The following BABAM2 variants were observed in gnomAD, a reference collection of about 807,000 sequenced individuals.
The protein encoded by BABAM2 is BRISC and BRCA1 A complex member 2, also known as BRISC and BRCA1-A complex member 2.
In BABAM2, 31 loss-of-function variants were observed where a neutral mutation model predicts 54.7. The observed-to-expected ratio is 0.57, with a 90% CI of 0.43 to 0.77. The LOEUF (loss-of-function observed/expected upper bound fraction) is 0.77. Ranked by LOEUF, BABAM2 falls within the 30% of genes least tolerant of loss-of-function variation. The pLI is 0.00. For missense variants in BABAM2, 364 were observed against 455.8 expected (o/e 0.80, Z 1.83); for synonymous variants, 167 against 162.9 (o/e 1.03, Z -0.19).
intron 5 of BABAM2, among the ~76,000 whole-genome samples, chr2:28,044,015 A>G (rs1376604634): frequency 1.3e-5 from 2 of 152,130 alleles, no homozygotes; most frequent in African/African-American, 2.4e-5. Context: ...TGTCCATTCA[A>G]TTCTCATTTC....
intron 6 of BABAM2, among the ~76,000 whole-genome samples, chr2:28,116,460 T>G (rs1668623728): frequency 6.6e-6 from 1 of 152,220 alleles, no homozygotes; most frequent in African/African-American, 2.4e-5. Flanking sequence ...GTATCTGAAA[T>G]AACTTGGAAA....
chr2:28,319,516 C>CA (rs1689846429), intron 11 of BABAM2, among the ~76,000 whole-genome samples: 1 of 152,242 alleles, frequency 6.6e-6, no homozygotes, highest in Non-Finnish European at 1.5e-5. Context: ...GGGGTTCCCT[C>CA]AGGGTTCTAG....
chr2:28,214,990 C>G (rs2147998043), intron 7 of BABAM2, among the ~76,000 whole-genome samples: 1 of 152,170 alleles, frequency 6.6e-6, no homozygotes, highest in Middle Eastern at 3.4e-3. Context: ...ATTGTTAATT[C>G]TACATCAATG....
intron 7 of BABAM2, among the ~76,000 whole-genome samples, chr2:28,208,698 A>G (rs1206047553): frequency 7.1e-6 from 1 of 141,054 alleles, no homozygotes; most frequent in African/African-American, 2.7e-5. Context: ...CCCTTTTCTC[A>G]TATTTTTCAG....
rs1261759583 is a variant in BABAM2 at position 28,112,151 on chromosome 2, C to CTTTCTTTTTCTTTCTT, written c.571-17119_571-17118insTTCTTTTTCTTTCTTT. On this transcript the variant is annotated intron_variant, in intron 6 of 11. Coordinates refer to ENST00000379624, the MANE Select transcript of BABAM2 (RefSeq NM_199191.3). ...TTTCTTTCTTTCTTTCTTTCTTTACCTCCCTCCCTCCCTCCCTCCCTCCCT... is the reference window on the plus strand; with the variant it reads ...TTTCTTTCTTTCTTTCTTTCTTTACCTTTCTTTTTCTTTCTTTCCCTCCCTCCCTCCCTCCCTCCCT... Among the ~76,000 whole-genome samples the CTTTCTTTTTCTTTCTT allele has an allele frequency of 3.1e-4, 6 of 19,606 alleles. 2 individuals are homozygous for CTTTCTTTTTCTTTCTT. Among genetic ancestry groups the CTTTCTTTTTCTTTCTT allele is most frequent in the African/African-American group, 1.4e-3 (6 of 4,404 alleles). 12.9% of individuals were successfully genotyped at this position (19,606 alleles called of 152,430 possible). A position where few individuals can be genotyped will look rare whatever the true frequency, so the allele number is the denominator to read the frequency against.
rs537836962 is a variant in BABAM2 at position 28,325,158 on chromosome 2, C to A, written c.1089-13292C>A. ...TTTTGTGATCCACTGTTTGAACAAG[C>A]CTTCTTTACACCATGTGTGGATATC... On this transcript the variant is annotated intron_variant, in intron 11 of 11. Transcript: ENST00000379624. This position sits in a 1 kb window ranked among gnomAD's most constrained non-coding sequence, Gnocchi z 4.3. Among the ~76,000 whole-genome samples, 23 of 152,316 alleles carry A rather than the reference C, an allele frequency of 1.5e-4. No homozygotes were observed. The highest frequency in any genetic ancestry group is 6.5e-5 in the Admixed American group (1 of 15,294).
chr2:28,222,772 C>T (rs112319666), intron 7 of BABAM2, among the ~76,000 whole-genome samples: 6 of 152,234 alleles, frequency 3.9e-5, no homozygotes, highest in Non-Finnish European at 7.3e-5. Flanking sequence ...CTCTTCCTGA[C>T]TAAATCTTTC....
chr2:28,115,126 A>G (rs1668494309), intron 6 of BABAM2, among the ~76,000 whole-genome samples: 1 of 151,826 alleles, frequency 6.6e-6, no homozygotes, highest in African/African-American at 2.4e-5. Flanking sequence ...TGAAACAGTC[A>G]TTGCTCTTAA....
intron 3 of BABAM2, among the ~76,000 whole-genome samples, chr2:27,956,190 A>G (rs1670071566): frequency 6.6e-6 from 1 of 152,144 alleles, no homozygotes; most frequent in South Asian, 2.1e-4. Flanking sequence ...CAAGATTATT[A>G]ATGTAGCTCT....
chr2:28,009,248 A>G (rs1233493720), intron 4 of BABAM2, among the ~76,000 whole-genome samples: 3 of 152,068 alleles, frequency 2.0e-5, no homozygotes, highest in East Asian at 3.9e-4. Context: ...AGAGGGTTGG[A>G]TCTGATACTG....
At chr2:28,026,513 A>G (rs1043830164) in intron 5 of BABAM2, among the ~76,000 whole-genome samples, 2 of 151,502 alleles carry the variant, frequency 1.3e-5, no homozygotes, top group African/African-American at 2.4e-5. Flanking sequence ...ATTCTCACTC[A>G]TAAGTGGGAG....
At chr2:27,970,478 A>G in intron 3 of BABAM2, among the ~76,000 whole-genome samples, 1 of 152,334 alleles carries the variant, frequency 6.6e-6, no homozygotes, top group South Asian at 2.1e-4. Flanking sequence ...TGATATAGAT[A>G]TATAGTTTAC....
intron 6 of BABAM2, among the ~76,000 whole-genome samples, chr2:28,099,848 C>T (rs894404666): frequency 6.6e-6 from 1 of 152,048 alleles, no homozygotes; most frequent in Non-Finnish European, 1.5e-5. Flanking sequence ...CGATACCTCT[C>T]TTTTATCCTC....
At chr2:28,043,526 C>G (rs996481389) in intron 5 of BABAM2, among the ~76,000 whole-genome samples, 1 of 152,188 alleles carries the variant, frequency 6.6e-6, no homozygotes, top group Non-Finnish European at 1.5e-5. Context: ...CTCCCAGATT[C>G]TCACTGGGCT....
intron 6 of BABAM2, among the ~76,000 whole-genome samples, chr2:28,077,442 T>C (rs1275305746): frequency 6.6e-6 from 1 of 152,156 alleles, no homozygotes; most frequent in Non-Finnish European, 1.5e-5. Flanking sequence ...GAAGAGGTAG[T>C]GTACAGAGGA....
chr2:28,032,278 G>A (rs2148583448), intron 5 of BABAM2, among the ~76,000 whole-genome samples: 1 of 152,216 alleles, frequency 6.6e-6, no homozygotes, highest in African/African-American at 2.4e-5. Context: ...AAAAGTATGA[G>A]GCTTTGAAAA....
At chr2:28,030,688 G>T (rs946290151) in intron 5 of BABAM2, among the ~76,000 whole-genome samples, 6 of 152,188 alleles carry the variant, frequency 3.9e-5, no homozygotes, top group African/African-American at 1.4e-4. Flanking sequence ...TTGATTTTGA[G>T]CCAAGATTTT....
chr2:27,894,739 A>G (rs1665152430), intron 2 of BABAM2, 55 bp downstream of exon 2: 6 of 1,599,158 alleles, frequency 3.8e-6, no homozygotes, highest in Non-Finnish European at 5.1e-6. Flanking sequence ...ACCTTTACCT[A>G]ATGACAGCCC....
intron 6 of BABAM2, among the ~76,000 whole-genome samples, chr2:28,101,212 A>G (rs528832138): frequency 6.6e-6 from 1 of 152,298 alleles, no homozygotes; most frequent in Admixed American, 6.5e-5. Flanking sequence ...GATTCTCACT[A>G]GTCTGTCTAA....
Sources: allele counts gnomAD v4.1 joint callset (sites outside exome capture counted in the v4.1 genomes callset), GRCh38; gene constraint gnomAD v4.1.1; non-coding constraint Gnocchi (gnomAD v3.1); transcripts MANE v1.5; gene names NCBI Gene and HGNC (gene_info 2026-07-23, HGNC 2026-07-21).